ITGA1: variants seen among roughly 807,000 people sequenced by gnomAD.
The protein encoded by ITGA1 is integrin subunit alpha 1.
A neutral mutation model predicts 145.9 loss-of-function variants in ITGA1; 85 were observed. The ratio of observed to expected loss-of-function variants is 0.58; its 90% CI spans 0.49 to 0.70. The LOEUF (loss-of-function observed/expected upper bound fraction) is 0.70, where lower values mean the gene tolerates loss of function less well. Among genes scored for constraint, ITGA1 ranks in the 30% least tolerant of loss-of-function variants. The pLI is 0.00. For missense variants in ITGA1, 1,351 were observed against 1,418.7 expected, an observed-to-expected ratio of 0.95 and a Z score of 0.77; for synonymous variants, 520 against 495.3, an observed-to-expected ratio of 1.05 and a Z score of -0.66.
chr5:52,924,806 A>G (rs920677693), intron 18 of ITGA1, among the ~76,000 whole-genome samples: 7 of 152,170 alleles, frequency 4.6e-5, no homozygotes, highest in African/African-American at 1.7e-4. Flanking sequence ...TGAGTTACAT[A>G]TGGTGGTGGT....
chr5:52,925,574 A>C (rs1579723694), intron 19 of ITGA1, 87 bp downstream of exon 19: 1 of 988,290 alleles, frequency 1.0e-6, no homozygotes, highest in Non-Finnish European at 1.5e-6. Flanking sequence ...TGCTTTTATT[A>C]GATTGATTTT....
intron 1 of ITGA1, among the ~76,000 whole-genome samples, chr5:52,814,915 T>A (rs565159042): frequency 6.5e-4 from 99 of 152,284 alleles, no homozygotes; most frequent in African/African-American, 2.3e-3. Flanking sequence ...CAGGGCTTCC[T>A]GGGGTTACCT....
intron 1 of ITGA1, among the ~76,000 whole-genome samples, chr5:52,830,072 A>C (rs1749034703): frequency 6.6e-6 from 1 of 152,172 alleles, no homozygotes; most frequent in African/African-American, 2.4e-5. Context: ...TATTTGATTC[A>C]ATAGATTAAA....
rs1296506613 is a variant in ITGA1, at chr5:52,864,973, T to C, written c.387T>C (p.Ala129=). The C allele has an allele frequency of 6.2e-7, 1 of 1,608,152 alleles. No homozygotes were observed. Among genetic ancestry groups the C allele is most frequent in the Non-Finnish European group, 8.5e-7 (1 of 1,177,628 alleles). The change falls in exon 5 of 29, where the codon GCT becomes GCC. Residue 129 remains alanine (A), a splice_region_variant and synonymous_variant. Coordinates refer to ENST00000282588, the MANE Select transcript of ITGA1 (RefSeq NM_181501.2). ...AATTTTAAAACAATTTTTTAAAGGCTTGTGGGCCCTTATATGCCTATAGAT... is the reference window on the plus strand; with the variant it reads ...AATTTTAAAACAATTTTTTAAAGGCCTGTGGGCCCTTATATGCCTATAGAT... The part of the protein sequence containing the change: ...LVTNPNGGFL[A]CGPLYAYRCG...
intron 2 of ITGA1, among the ~76,000 whole-genome samples, chr5:52,856,267 A>G (rs1749509875): frequency 6.6e-6 from 1 of 151,994 alleles, no homozygotes; most frequent in South Asian, 2.1e-4. Context: ...TGGGCTATCC[A>G]TATCTCCCTT....
At chr5:52,941,323 T>C (rs970388377) in intron 26 of ITGA1, among the ~76,000 whole-genome samples, 4 of 152,218 alleles carry the variant, frequency 2.6e-5, no homozygotes, top group Admixed American at 2.6e-4. Context: ...ATGGTAGTTC[T>C]GTTTTAAGTT....
At chr5:52,944,737 T>C (rs1273778126) in intron 26 of ITGA1, among the ~76,000 whole-genome samples, 1 of 152,184 alleles carries the variant, frequency 6.6e-6, no homozygotes, top group Non-Finnish European at 1.5e-5. Flanking sequence ...ATAACGAGGA[T>C]CTAAGTAAGG....
intron 1 of ITGA1, among the ~76,000 whole-genome samples, chr5:52,846,119 G>T (rs749677834): frequency 2.0e-5 from 3 of 152,068 alleles, no homozygotes; most frequent in Non-Finnish European, 4.4e-5. Context: ...GCACAATGGC[G>T]GCCGGGCGCA....
chr5:52,881,418 C>A (rs1749955835), intron 6 of ITGA1, among the ~76,000 whole-genome samples: 1 of 152,154 alleles, frequency 6.6e-6, no homozygotes, highest in Admixed American at 6.5e-5. Flanking sequence ...TTCCCTGGAC[C>A]CCCATTTTCA....
chr5:52,890,744 T>G (rs1390373175), intron 8 of ITGA1, among the ~76,000 whole-genome samples: 2 of 152,208 alleles, frequency 1.3e-5, no homozygotes, highest in Non-Finnish European at 2.9e-5. Context: ...TTCCAAATCT[T>G]CTCCTGTAGC....
chr5:52,897,979 G>T (rs1316969541), intron 10 of ITGA1, among the ~76,000 whole-genome samples: 1 of 152,070 alleles, frequency 6.6e-6, no homozygotes, highest in Non-Finnish European at 1.5e-5. Flanking sequence ...AGGCATAATG[G>T]TCCTTGCAAA....
At chr5:52,937,351 A>G in intron 23 of ITGA1, 50 bp from the exon 24 acceptor site, 1 of 1,224,442 alleles carries the variant, frequency 8.2e-7, no homozygotes, top group Non-Finnish European at 1.2e-6. Flanking sequence ...AAGACAGAAG[A>G]ATTCTATTAA....
chr5:52,930,593 A>C (rs1750880078), intron 21 of ITGA1, among the ~76,000 whole-genome samples: 1 of 152,128 alleles, frequency 6.6e-6, no homozygotes, highest in Non-Finnish European at 1.5e-5. Flanking sequence ...AGAAGCTGAA[A>C]TAATATCTAC....
chr5:52,803,573 C>G (rs535500408), intron 1 of ITGA1: 4 of 152,176 alleles, frequency 2.6e-5, no homozygotes, highest in East Asian at 1.9e-4. Flanking sequence ...CTTGAGAGCT[C>G]TTAAAACCCT....
chr5:52,958,658 G>C lies in ITGA1; in HGVS notation c.*6207G>C, dbSNP rs148715807. ...GGTATACTGCGTATTACTACTGTGA[G>C]ACTGTAAAATTGTTAATGGACAGTG... On this transcript the variant is annotated 3_prime_UTR_variant, in exon 29 of 29. Transcript: ENST00000282588. 6.6e-6 allele frequency: 1 copy of C among 152,302 alleles called. No homozygotes were observed. Among genetic ancestry groups the C allele is most frequent in the Non-Finnish European group, 1.5e-5 (1 of 68,024 alleles). The allele number at this position is 152,302 out of a possible 1,614,324, so 9.4% of individuals were successfully genotyped here.
intron 1 of ITGA1, among the ~76,000 whole-genome samples, chr5:52,826,169 G>A (rs557782188): frequency 2.0e-5 from 3 of 152,280 alleles, no homozygotes; most frequent in African/African-American, 7.2e-5. Flanking sequence ...ACACATGAAT[G>A]ATAAGAAAGC....
intron 19 of ITGA1, 27 bp from the exon 20 acceptor site, chr5:52,927,557 C>T (rs1409609995): frequency 3.9e-6 from 6 of 1,521,360 alleles, no homozygotes; most frequent in Non-Finnish European, 5.4e-6. Flanking sequence ...CTTGTCCACT[C>T]TGATTCTGTT....
intron 8 of ITGA1, among the ~76,000 whole-genome samples, chr5:52,892,693 G>A (rs555676839): frequency 1.3e-5 from 2 of 152,154 alleles, no homozygotes; most frequent in South Asian, 4.2e-4. Flanking sequence ...GCAGCAACAC[G>A]GATGACTCTG....
At chr5:52,906,166 A>G (rs745911632) in intron 12 of ITGA1, among the ~76,000 whole-genome samples, 4 of 152,220 alleles carry the variant, frequency 2.6e-5, no homozygotes, top group East Asian at 3.9e-4. Context: ...GATCCAAAAC[A>G]TTAAGAGGCA....
Sources: gnomAD v4.1 joint callset for allele counts (sites outside exome capture counted in the v4.1 genomes callset) on GRCh38, gnomAD v4.1.1 for gene constraint, MANE v1.5 for transcripts, NCBI Gene and HGNC (gene_info 2026-07-23, HGNC 2026-07-21) for gene names.